Variants in CD72 observed in about 807,000 individuals in gnomAD.
The protein encoded by CD72 is CD72 molecule.
CD72 carries 28 observed loss-of-function variants against 50.7 expected under a neutral mutation model. The ratio of observed to expected loss-of-function variants is 0.55; its 90% CI spans 0.41 to 0.76. The LOEUF is 0.76. Ranked by LOEUF, CD72 falls within the 30% of genes least tolerant of loss-of-function variation. The pLI, the probability that CD72 is intolerant of heterozygous loss-of-function variation, is 0.00. For missense variants in CD72, 403 were observed against 420.6 expected (o/e 0.96, Z 0.37); for synonymous variants, 176 against 171.2 (o/e 1.03, Z -0.22).
rs1160857610 is a variant in CD72, at chr9:35,616,183, G to C, written c.448C>G (p.Leu150Val). Reference protein sequence around the residue: ...RQQLRLKITQLGQSAEDLQGS... With the variant: ...RQQLRLKITQVGQSAEDLQGS... ...TGCAGATCCTCTGCACTCTGTCCCA[G>C]CTGCGTTATCTTGAGGCGGAGCTGC... is the stretch of plus-strand genomic sequence containing the variant. Residue 150 changes from leucine (L) to valine (V), a missense_variant, in exon 5 of 9, where the codon CTG (leucine) becomes GTG (valine). Physicochemically the swap from Leu to Val is conservative, Grantham distance 32 (BLOSUM62 1). Coordinates refer to ENST00000259633, the MANE Select transcript of CD72 (RefSeq NM_001782.3). The C allele has an allele frequency of 3.1e-6, 5 of 1,614,002 alleles. No homozygotes were observed. In the African/African-American group the frequency reaches 5.3e-5, roughly 17 times the overall value.
At chr9:35,633,118 T>C (rs1343092502) in intron 1 of CD72, among the ~76,000 whole-genome samples, 2 of 151,238 alleles carry the variant, frequency 1.3e-5, no homozygotes, top group Non-Finnish European at 3.0e-5. Flanking sequence ...TTTTTTTTTT[T>C]TTCTTCAGAG....
chr9:35,632,170 C>A (rs1394169824), intron 1 of CD72, among the ~76,000 whole-genome samples: 2 of 151,102 alleles, frequency 1.3e-5, no homozygotes, highest in African/African-American at 2.4e-5. Context: ...TATAATTCTT[C>A]AATTTTCTCC....
intron 7 of CD72, 94 bp from the exon 8 acceptor site, chr9:35,610,847 C>CGGGT: frequency 2.0e-6 from 2 of 1,021,258 alleles, no homozygotes; most frequent in South Asian, 2.8e-5. Flanking sequence ...AATCCTAACT[C>CGGGT]ACCCTGCCTG....
At chr9:35,620,664 G>C (rs1430166933), upstream of CD72, among the ~76,000 whole-genome samples, 2 of 151,846 alleles carry the variant, frequency 1.3e-5, no homozygotes, top group Non-Finnish European at 2.9e-5. Context: ...AATCCCATCT[G>C]TATTAAAAAT....
intron 1 of CD72, among the ~76,000 whole-genome samples, chr9:35,632,939 T>C (rs1248951559): frequency 6.7e-6 from 1 of 150,356 alleles, no homozygotes; most frequent in Non-Finnish European, 1.5e-5. Flanking sequence ...TTTTTTTTTT[T>C]TTTCTTTTTG....
At chr9:35,614,279 G>A (rs777418488) in intron 5 of CD72, among the ~76,000 whole-genome samples, 1 of 152,204 alleles carries the variant, frequency 6.6e-6, no homozygotes, top group Non-Finnish European at 1.5e-5. Flanking sequence ...CTGGAATGCT[G>A]TAGATTGGGT....
intron 2 of CD72, 56 bp downstream of exon 2, chr9:35,617,958 T>A (rs1241208687): frequency 3.6e-5 from 36 of 1,004,084 alleles, no homozygotes; most frequent in Non-Finnish European, 5.6e-5. Context: ...CATTGTGGAC[T>A]CCCCAGCTCA....
rs764730251 is a variant in CD72 at position 35,616,551 on chromosome 9, G to A, written c.352+49C>T. On this transcript the variant is annotated intron_variant, in intron 4 of 8. Transcript: ENST00000259633. The stretch of plus-strand genomic sequence containing the variant: ...AAGATCAGCTTTGGGGCGAGAGTCG[G>A]GACGAAAGTCGTTCGGTGTAAGTGG... The A allele has an allele frequency of 3.5e-6, 5 of 1,415,352 alleles. No individual in the cohort carries two copies. The South Asian group carries it at 5.7e-5, about 16-fold the overall frequency. 87.7% of individuals were successfully genotyped at this position (1,415,352 alleles called of 1,614,324 possible). A position where few individuals can be genotyped will look rare whatever the true frequency, so the allele number is the denominator to read the frequency against.
At chr9:35,636,420 A>G (rs1823290356) in intron 1 of CD72, among the ~76,000 whole-genome samples, 1 of 152,230 alleles carries the variant, frequency 6.6e-6, no homozygotes, top group African/African-American at 2.4e-5. Context: ...CAGAACAACT[A>G]AGTAGAGAAT....
chr9:35,619,634 C>T (rs1469335298), upstream of CD72: 1 of 152,322 alleles, frequency 6.6e-6, no homozygotes, highest in Non-Finnish European at 1.5e-5. Flanking sequence ...AAAGCTGTGA[C>T]CTCAAAAATG....
chr9:35,627,999 C>T (rs1263712005), intron 1 of CD72, among the ~76,000 whole-genome samples: 2 of 152,092 alleles, frequency 1.3e-5, no homozygotes, highest in East Asian at 3.9e-4. Flanking sequence ...TCACACCAGA[C>T]TAATTTTGTT....
chr9:35,612,760 C>T (rs1225913061), intron 6 of CD72, 88 bp downstream of exon 6: 3 of 1,239,302 alleles, frequency 2.4e-6, no homozygotes, highest in Non-Finnish European at 3.5e-6. Flanking sequence ...CCACCCCAGC[C>T]ATGTGTGCAC....
At chr9:35,618,659 G>A (rs972746340), upstream of CD72, 5 of 717,510 alleles carry the variant, frequency 7.0e-6, no homozygotes, top group Non-Finnish European at 1.0e-5. Flanking sequence ...GGTCCTTCTG[G>A]TTATCTGCCC....
At chr9:35,644,387 T>C (rs1823368425) in intron 1 of CD72, among the ~76,000 whole-genome samples, 1 of 149,950 alleles carries the variant, frequency 6.7e-6, no homozygotes, top group African/African-American at 2.5e-5. Flanking sequence ...ACCTAGGTTA[T>C]TTGTAAGGAC....
chr9:35,616,792 A>C, intron 3 of CD72, 103 bp from the exon 4 acceptor site: 4 of 1,102,738 alleles, frequency 3.6e-6, no homozygotes, highest in Non-Finnish European at 5.4e-6. Context: ...GGCATCCCTA[A>C]GAGGAGGGCG....
upstream of CD72, among the ~76,000 whole-genome samples, chr9:35,624,350 C>T (rs1292222929): frequency 1.3e-5 from 2 of 151,856 alleles, no homozygotes; most frequent in Non-Finnish European, 2.9e-5. Flanking sequence ...ACCTGGACAT[C>T]AGGATGAGTT....
chr9:35,642,748 TG>T (rs1209350326), intron 1 of CD72: 1 of 152,226 alleles, frequency 6.6e-6, no homozygotes, highest in Non-Finnish European at 1.5e-5. Flanking sequence ...TATAATGGCC[TG>T]GCTATTTCGC....
rs751630906 is a variant in CD72 at position 35,611,909 on chromosome 9, T to A, written c.845A>T (p.Tyr282Phe). The A allele has an allele frequency of 6.4e-7, 1 of 1,558,662 alleles. No individual in the cohort carries two copies. The highest frequency in any genetic ancestry group is 1.7e-5 in the Admixed American group (1 of 59,950). Residue 282 changes from tyrosine to phenylalanine, a missense_variant, in exon 7 of 9, where the codon TAC becomes TTC. Coordinates refer to ENST00000259633, the MANE Select transcript of CD72 (RefSeq NM_001782.3). ...SEIYPQSHSY[Y>F]FLNSLLPNGG... ...ATTTGGCAACAGTGAATTTAAGAAG[T>A]AGTAAGAGTGCTGAGGGGAGATTCA...
At position 35,616,677 on chromosome 9, in the gene CD72, C is replaced by T; in HGVS notation, c.275G>A (p.Cys92Tyr). The T allele has an allele frequency of 6.2e-7, 1 of 1,613,518 alleles. No homozygotes were observed. Among genetic ancestry groups the T allele is most frequent in the Non-Finnish European group, 8.5e-7 (1 of 1,179,930 alleles). The change falls in exon 4 of 9, where the codon TGC becomes TAC. Residue 92 changes from cysteine (C) to tyrosine (Y), a missense_variant. Coordinates refer to ENST00000259633, the MANE Select transcript of CD72 (RefSeq NM_001782.3). ...VGRILPCRTT[C>Y]LRYLLLGLLL... ...CAGGCCGAGCAGGAGGTATCGCAGG[C>T]AGGTTGTGCGGCCTTAGGGGGACAG...
Sources: gnomAD v4.1 joint callset for allele counts (sites outside exome capture counted in the v4.1 genomes callset) on GRCh38, gnomAD v4.1.1 for gene constraint, MANE v1.5 for transcripts, NCBI Gene and HGNC (gene_info 2026-07-23, HGNC 2026-07-21) for gene names.